Variants in SFI1 observed in about 807,000 individuals in gnomAD.
SFI1 encodes SFI1 centrin binding protein, also known as protein SFI1 homolog.
Under a neutral mutation model 207.5 loss-of-function variants are expected in SFI1, and 195 were observed. That is an observed-to-expected ratio of 0.94 (90% CI 0.84 to 1.06). The LOEUF is 1.06. Among genes scored for constraint, SFI1 ranks in the 50% least tolerant of loss-of-function variants. The pLI is 0.00. For missense variants in SFI1, 1,634 were observed against 1,588.0 expected, an observed-to-expected ratio of 1.03 and a Z score of -0.49; for synonymous variants, 630 against 598.9, an observed-to-expected ratio of 1.05 and a Z score of -0.76.
At chr22:31,534,847 T>C (rs1485088450) in intron 4 of SFI1, among the ~76,000 whole-genome samples, 4 of 151,940 alleles carry the variant, frequency 2.6e-5, no homozygotes, top group Admixed American at 2.0e-4. Flanking sequence ...CTGCTCCTTA[T>C]CTTCTTTCCT....
chr22:31,530,453 G>A (rs951453212), intron 3 of SFI1: 1 of 257,284 alleles, frequency 3.9e-6, no homozygotes, highest in African/African-American at 2.9e-5. Context: ...TTGGGCCACT[G>A]TACTCTAACC....
intron 12 of SFI1, among the ~76,000 whole-genome samples, 178 bp downstream of exon 12, chr22:31,580,542 C>CTTTTTTTTTTTTTTTTTTTTTT (rs11347645): frequency 8.5e-6 from 1 of 117,282 alleles, no homozygotes; most frequent in African/African-American, 3.2e-5. Context: ...CTTTTCTTTT[C>CTTTTTTTTTTTTTTTTTTTTTT]TTTTTTTTTT....
At chr22:31,547,018 C>A in intron 5 of SFI1, 47 bp downstream of exon 5, 3 of 1,317,614 alleles carry the variant, frequency 2.3e-6, no homozygotes, top group South Asian at 2.6e-5. Flanking sequence ...TGCACATTAT[C>A]AGATGATTAT....
chr22:31,593,803 G>A lies in SFI1; in HGVS notation c.1544+4226G>A, dbSNP rs1603274295. 3.3e-5 allele frequency among the ~76,000 whole-genome samples: 5 copies of A among 149,276 alleles called. No individual in the cohort carries two copies. The South Asian group carries it at 1.1e-3, about 32-fold the overall frequency. ...GCGGTTAGGGGCTGGAGACCGGCCC[G>A]GCCAACACAGCGAAACCCCGTCTCC... On this transcript the variant is annotated intron_variant, in intron 15 of 32. Coordinates refer to ENST00000400288, the MANE Select transcript of SFI1 (RefSeq NM_001007467.3).
At chr22:31,534,228 G>A (rs1247235358) in intron 4 of SFI1, among the ~76,000 whole-genome samples, 2 of 152,024 alleles carry the variant, frequency 1.3e-5, no homozygotes, top group Non-Finnish European at 2.9e-5. Context: ...CCTGATCTCA[G>A]GTGATCTACC....
At chr22:31,527,977 G>A (rs1459276053) in intron 2 of SFI1, among the ~76,000 whole-genome samples, 1 of 152,054 alleles carries the variant, frequency 6.6e-6, no homozygotes, top group African/African-American at 2.4e-5. Flanking sequence ...AGCTGGGCAC[G>A]GTAGTGGGTG....
At chr22:31,569,817 C>T (rs148244694) in intron 8 of SFI1, among the ~76,000 whole-genome samples, 11 of 151,996 alleles carry the variant, frequency 7.2e-5, no homozygotes, top group African/African-American at 2.7e-4. Flanking sequence ...GTTATGGTGG[C>T]ATGTGTCTGT....
chr22:31,521,157 GATTA>G (rs2057200117), intron 2 of SFI1: 1 of 156,174 alleles, frequency 6.4e-6, no homozygotes, highest in Admixed American at 6.5e-5. Flanking sequence ...AGAGCTGTTA[GATTA>G]ATTAGAGACC....
chr22:31,569,531 C>G (rs1372393272), intron 8 of SFI1, among the ~76,000 whole-genome samples: 1 of 152,070 alleles, frequency 6.6e-6, no homozygotes, highest in East Asian at 1.9e-4. Context: ...GACTTGATTT[C>G]TCTAGTAGAT....
At chr22:31,611,733 G>A (rs1186559488) in intron 23 of SFI1, 33 bp from the exon 24 acceptor site, 5 of 1,604,882 alleles carry the variant, frequency 3.1e-6, no homozygotes, top group Non-Finnish European at 4.2e-6. Context: ...GCTGGGTCAG[G>A]ACGCCACTCT....
rs1569376507 is a variant in SFI1, at chr22:31,582,206, T to TATATATATATA, written c.1249-1669_1249-1668insATATATATATA. On this transcript the variant is annotated intron_variant, in intron 12 of 32. Coordinates refer to ENST00000400288, the MANE Select transcript of SFI1 (RefSeq NM_001007467.3). ...CCCAACAACACTTCTTTATTACATT[T>TATATATATATA]TATATATATATATATATATATATAT... 2.2e-3 allele frequency among the ~76,000 whole-genome samples: 82 copies of TATATATATATA among 36,602 alleles called. 8 individuals carry two copies. Among genetic ancestry groups the TATATATATATA allele is most frequent in the South Asian group, 4.4e-3 (3 of 678 alleles). The allele number at this position is 36,602 out of a possible 152,430, so 24.0% of individuals were successfully genotyped here.
At chr22:31,600,333 C>A (rs2067900673) in intron 15 of SFI1, among the ~76,000 whole-genome samples, 1 of 152,182 alleles carries the variant, frequency 6.6e-6, no homozygotes, top group Admixed American at 6.5e-5. Flanking sequence ...TCATCTGTAT[C>A]ATTTCCCTTC....
intron 2 of SFI1, among the ~76,000 whole-genome samples, chr22:31,515,404 A>G (rs1373850151): frequency 6.6e-6 from 1 of 150,758 alleles, no homozygotes; most frequent in African/African-American, 2.4e-5. Context: ...GCTGGAGTAC[A>G]GTGGCATGAT....
At chr22:31,581,633 C>A (rs1055887303) in intron 12 of SFI1, among the ~76,000 whole-genome samples, 8 of 152,056 alleles carry the variant, frequency 5.3e-5, no homozygotes, top group Non-Finnish European at 7.4e-5. Context: ...TAAGTCTATT[C>A]ACTTCCATTG....
chr22:31,513,352 T>A (rs2055912965), intron 2 of SFI1, among the ~76,000 whole-genome samples: 1 of 151,818 alleles, frequency 6.6e-6, no homozygotes, highest in Admixed American at 6.6e-5. Context: ...AGAAATGGGG[T>A]TTCACCACGT....
At position 31,528,764 on chromosome 22, in the gene SFI1, T is replaced by C; in HGVS notation, c.167T>C (p.Phe56Ser). Reference sequence around the variant, plus strand: ...TCCAACAAGAAGTCTTCTGCATCCTTTGGGATCCGGAGGGAGTTACCTAGT... The same window carrying C: ...TCCAACAAGAAGTCTTCTGCATCCTCTGGGATCCGGAGGGAGTTACCTAGT... ...TLSNKKSSASFGIRRELPSTS... is the reference protein window; with the variant it reads ...TLSNKKSSASSGIRRELPSTS... The change falls in exon 3 of 33, where the codon TTT (phenylalanine) becomes TCT (serine). Residue 56 changes from phenylalanine to serine, a missense_variant. By Grantham distance (155) the Phe-to-Ser change is radical. Transcript: ENST00000400288. 6.2e-7 allele frequency: 1 copy of C among 1,614,142 alleles called. No homozygotes were observed. Among genetic ancestry groups the C allele is most frequent in the Non-Finnish European group, 8.5e-7 (1 of 1,180,006 alleles).
chr22:31,506,049 C>CT (rs1164240180), intron 1 of SFI1, among the ~76,000 whole-genome samples: 1,407 of 138,286 alleles, frequency 0.01, 16 homozygotes, highest in East Asian at 0.036. Context: ...GAAATCCTGT[C>CT]TTTTTTTTTT....
chr22:31,522,340 G>C (rs1051363407), intron 2 of SFI1, among the ~76,000 whole-genome samples: 3 of 152,158 alleles, frequency 2.0e-5, no homozygotes, highest in African/African-American at 7.2e-5. Flanking sequence ...TTACATGCGT[G>C]AGCCACCACG....
chr22:31,604,801 C>CT (rs2068692837), intron 19 of SFI1, 68 bp from the exon 20 acceptor site: 2 of 1,467,890 alleles, frequency 1.4e-6, no homozygotes, highest in Non-Finnish European at 1.9e-6. Context: ...AGATGCACCT[C>CT]TGAGGCCTGC....
Sources: gnomAD v4.1 joint callset for allele counts (sites outside exome capture counted in the v4.1 genomes callset) on GRCh38, gnomAD v4.1.1 for gene constraint, MANE v1.5 for transcripts, NCBI Gene and HGNC (gene_info 2026-07-23, HGNC 2026-07-21) for gene names.